SEMA6D: variants seen among roughly 807,000 people sequenced by gnomAD.
The protein encoded by SEMA6D is semaphorin 6D, also known as semaphorin-6D.
SEMA6D carries 35 observed loss-of-function variants against 106.6 expected under a neutral mutation model. The ratio of observed to expected loss-of-function variants is 0.33; its 90% confidence interval spans 0.25 to 0.44. The LOEUF (loss-of-function observed/expected upper bound fraction) is 0.44, where lower values mean the gene tolerates loss of function less well. Among genes scored for constraint, SEMA6D ranks in the 20% least tolerant of loss-of-function variants. The pLI, the probability that SEMA6D is intolerant of heterozygous loss-of-function variation, is 1.00. For missense variants in SEMA6D, 1,185 were observed against 1,345.9 expected (o/e 0.88, Z 1.87); for synonymous variants, 499 against 487.7 (o/e 1.02, Z -0.31).
chr15:47,742,183 T>C (rs1021182721), intron 1 of SEMA6D, among the ~76,000 whole-genome samples: 4 of 152,240 alleles, frequency 2.6e-5, no homozygotes, highest in Admixed American at 1.3e-4. Flanking sequence ...ACCAGGGTGA[T>C]GCAAACTGCA....
intron 4 of SEMA6D, among the ~76,000 whole-genome samples, chr15:47,628,782 A>G (rs2077245975): frequency 6.6e-6 from 1 of 152,118 alleles, no homozygotes; most frequent in Non-Finnish European, 1.5e-5. Flanking sequence ...CATGGCTTGA[A>G]CATTTAGTGT....
rs572752871 is a variant in SEMA6D, at chr15:47,405,033, C to T, written c.-238-7360C>T. ...TCTTAAAGAATGAGTAGGAAATGTC[C>T]CTAGGGGGAGAAGTGAGAAAGGCAC... On this transcript the variant is annotated intron_variant, in intron 1 of 19. Coordinates refer to the SEMA6D transcript ENST00000558014. Among the ~76,000 whole-genome samples the T allele has an allele frequency of 2.3e-4, 35 of 152,034 alleles. 1 individual carries two copies. The South Asian group carries it at 7.1e-3, about 31-fold the overall frequency.
At chr15:47,560,799 G>A (rs754308593) in intron 3 of SEMA6D, among the ~76,000 whole-genome samples, 1 of 151,944 alleles carries the variant, frequency 6.6e-6, no homozygotes. Flanking sequence ...CTTATAAAAG[G>A]GGGAACTTTG....
At chr15:47,452,230 G>A (rs550189204) in intron 2 of SEMA6D, among the ~76,000 whole-genome samples, 24 of 151,292 alleles carry the variant, frequency 1.6e-4, no homozygotes, top group African/African-American at 5.6e-4. Flanking sequence ...CAATAATTTT[G>A]TTCAAGGAGC....
intron 1 of SEMA6D, among the ~76,000 whole-genome samples, chr15:47,747,477 C>G (rs927182258): frequency 2.6e-5 from 4 of 152,294 alleles, no homozygotes; most frequent in East Asian, 1.9e-4. Flanking sequence ...AAAATCCAGA[C>G]TTAAAGTGAA....
chr15:47,622,367 T>C (rs922761662), intron 4 of SEMA6D, among the ~76,000 whole-genome samples: 2 of 152,180 alleles, frequency 1.3e-5, no homozygotes, highest in Non-Finnish European at 1.5e-5. Context: ...TTTCCTCTAA[T>C]GTTACCTCTC....
chr15:47,350,038 T>C (rs988791413), intron 1 of SEMA6D, among the ~76,000 whole-genome samples: 3 of 152,216 alleles, frequency 2.0e-5, no homozygotes, highest in African/African-American at 7.2e-5. Flanking sequence ...AGTATTTCAT[T>C]TGTTAAACAT....
intron 4 of SEMA6D, among the ~76,000 whole-genome samples, chr15:47,640,890 A>G (rs957056597): frequency 3.9e-5 from 6 of 152,148 alleles, no homozygotes; most frequent in Non-Finnish European, 8.8e-5. Flanking sequence ...TCTTGAACAG[A>G]AAGTGGTAAT....
At chr15:47,329,342 C>T (rs772278037) in intron 1 of SEMA6D, among the ~76,000 whole-genome samples, 31 of 152,162 alleles carry the variant, frequency 2.0e-4, no homozygotes, top group Non-Finnish European at 3.7e-4. Context: ...TAATAAGCTG[C>T]ACAGCTCATA....
At chr15:47,763,777 T>C in intron 9 of SEMA6D, 73 bp from the exon 10 acceptor site, 2 of 1,335,134 alleles carry the variant, frequency 1.5e-6, no homozygotes, top group Non-Finnish European at 2.2e-6. Context: ...GTCCCTCCCT[T>C]AAACAGTATC....
chr15:47,739,050 G>A (rs2080630107), intron 1 of SEMA6D, among the ~76,000 whole-genome samples: 1 of 152,136 alleles, frequency 6.6e-6, no homozygotes, highest in African/African-American at 2.4e-5. Context: ...CAAGAAATAG[G>A]AAGTGGAAGC....
At chr15:47,475,235 G>C (rs1032712110) in intron 3 of SEMA6D, among the ~76,000 whole-genome samples, 1 of 152,016 alleles carries the variant, frequency 6.6e-6, no homozygotes, top group African/African-American at 2.4e-5. Context: ...CAATATATTC[G>C]AGCCCTGTTT....
At chr15:47,286,303 A>C (rs2035358837) in intron 1 of SEMA6D, among the ~76,000 whole-genome samples, 5 of 152,050 alleles carry the variant, frequency 3.3e-5, no homozygotes, top group African/African-American at 1.2e-4. Context: ...ACTGGTCTGG[A>C]AAGTTCTCAA....
intron 1 of SEMA6D, among the ~76,000 whole-genome samples, chr15:47,352,598 A>G (rs1205730064): frequency 6.6e-6 from 1 of 152,210 alleles, no homozygotes; most frequent in Non-Finnish European, 1.5e-5. Flanking sequence ...TGGATCAATT[A>G]TCGTAATTAT....
intron 4 of SEMA6D, among the ~76,000 whole-genome samples, chr15:47,669,733 G>T (rs575666691): frequency 6.6e-6 from 1 of 152,270 alleles, no homozygotes; most frequent in African/African-American, 2.4e-5. Flanking sequence ...TTCAGGGAAA[G>T]AAATGTTCTT....
At chr15:47,598,503 C>T (rs958187192) in intron 3 of SEMA6D, among the ~76,000 whole-genome samples, 1 of 152,072 alleles carries the variant, frequency 6.6e-6, no homozygotes, top group Non-Finnish European at 1.5e-5. Flanking sequence ...TAAGCAGACA[C>T]CTTTGAATTA....
At chr15:47,623,655 A>G in intron 4 of SEMA6D, among the ~76,000 whole-genome samples, 1 of 152,174 alleles carries the variant, frequency 6.6e-6, no homozygotes, top group East Asian at 1.9e-4. Flanking sequence ...GGTAGCCATG[A>G]CAGACATGGG....
At chr15:47,254,692 G>T (rs913085877) in intron 1 of SEMA6D, among the ~76,000 whole-genome samples, 4 of 151,986 alleles carry the variant, frequency 2.6e-5, no homozygotes, top group Non-Finnish European at 5.9e-5. Flanking sequence ...TTTTTGCTTT[G>T]ATTCTGTGAA....
chr15:47,458,041 A>G (rs1199938251), intron 2 of SEMA6D, among the ~76,000 whole-genome samples: 2 of 152,006 alleles, frequency 1.3e-5, no homozygotes, highest in Non-Finnish European at 2.9e-5. Context: ...AAGAATTTAT[A>G]CTCAGCAAAA....
Sources: gnomAD v4.1 joint callset for allele counts (sites outside exome capture counted in the v4.1 genomes callset) on GRCh38, gnomAD v4.1.1 for gene constraint, MANE v1.5 for transcripts, NCBI Gene and HGNC (gene_info 2026-07-23, HGNC 2026-07-21) for gene names.